CDC14A: variants seen among roughly 807,000 people sequenced by gnomAD.
CDC14A encodes the protein cell division cycle 14A.
Under a neutral mutation model 74.4 loss-of-function variants are expected in CDC14A, and 53 were observed. The ratio of observed to expected loss-of-function variants is 0.71; its 90% CI spans 0.57 to 0.89. CDC14A has a LOEUF of 0.89. CDC14A is among the 40% of genes least tolerant of loss of function. The pLI is 0.00. For synonymous variants in CDC14A, 247 were observed against 258.4 expected (o/e 0.96, Z 0.43); for missense variants, 646 against 713.7 (o/e 0.91, Z 1.08).
Position 100,483,312 on chromosome 1 carries a change from T to C in CDC14A, c.978-980T>C, listed in dbSNP as rs12075237. On this transcript the variant is annotated intron_variant, in intron 10 of 15. Transcript: ENST00000336454. ...ACTGGTGTGTGGTGGTATCTCATTA[T>C]GGTTTTGATTTGCATTTCTCTAATG... is the stretch of plus-strand genomic sequence containing the variant. 1.1e-3 allele frequency among the ~76,000 whole-genome samples: 168 copies of C among 152,354 alleles called. 1 individual carries two copies. Among genetic ancestry groups the C allele is most frequent in the African/African-American group, 3.8e-3 (157 of 41,588 alleles).
At chr1:100,484,225 G>A in intron 10 of CDC14A, 67 bp from the exon 11 acceptor site, 1 of 879,268 alleles carries the variant, frequency 1.1e-6, no homozygotes, top group South Asian at 2.2e-5. Context: ...ATACCTTTGA[G>A]ATGAGAGTAG....
At chr1:100,409,931 T>G (rs1212057982) in intron 4 of CDC14A, among the ~76,000 whole-genome samples, 1 of 152,214 alleles carries the variant, frequency 6.6e-6, no homozygotes, top group Non-Finnish European at 1.5e-5. Context: ...TTTGAGAAAT[T>G]CATCAGTACT....
chr1:100,386,458 G>C (rs550443048), intron 3 of CDC14A, among the ~76,000 whole-genome samples: 16 of 152,256 alleles, frequency 1.1e-4, no homozygotes, highest in African/African-American at 3.9e-4. Context: ...TAATAGAGCA[G>C]GTAGCTCATT....
intron 11 of CDC14A, among the ~76,000 whole-genome samples, chr1:100,491,568 A>ATTT (rs1255539504): frequency 3.3e-4 from 25 of 76,574 alleles, no homozygotes; most frequent in African/African-American, 7.3e-4. Flanking sequence ...ATATATATAT[A>ATTT]TATATTTTTT....
intron 15 of CDC14A, among the ~76,000 whole-genome samples, chr1:100,504,552 T>C (rs1472855377): frequency 6.6e-6 from 1 of 152,230 alleles, no homozygotes; most frequent in Non-Finnish European, 1.5e-5. Flanking sequence ...AATAAAACTT[T>C]ATTAACAAAA....
intron 11 of CDC14A, among the ~76,000 whole-genome samples, chr1:100,494,600 A>G (rs1306362068): frequency 1.3e-5 from 2 of 152,134 alleles, no homozygotes; most frequent in Admixed American, 1.3e-4. Flanking sequence ...ATCTATTCCC[A>G]TGCTTCATTG....
chr1:100,426,400 C>T (rs978016779), intron 5 of CDC14A, among the ~76,000 whole-genome samples: 6 of 152,146 alleles, frequency 3.9e-5, no homozygotes, highest in African/African-American at 1.4e-4. Flanking sequence ...GTGTGAGCCA[C>T]TGCACCCAGT....
At chr1:100,481,281 C>T (rs1669445562) in intron 10 of CDC14A, among the ~76,000 whole-genome samples, 1 of 152,054 alleles carries the variant, frequency 6.6e-6, no homozygotes, top group Admixed American at 6.6e-5. Flanking sequence ...ACTTTGGGGT[C>T]AGGGTTGAGT....
intron 2 of CDC14A, among the ~76,000 whole-genome samples, chr1:100,374,254 C>T (rs899735508): frequency 3.1e-4 from 47 of 152,022 alleles, no homozygotes; most frequent in African/African-American, 9.4e-4. Context: ...TGAATAGAGC[C>T]GCAATAAACG....
At chr1:100,395,557 G>C (rs546673156) in intron 4 of CDC14A, among the ~76,000 whole-genome samples, 1 of 152,282 alleles carries the variant, frequency 6.6e-6, no homozygotes, top group Admixed American at 6.5e-5. Flanking sequence ...CCAAGCCACT[G>C]TCATTGTTCA....
chr1:100,424,861 T>C (rs904622269), intron 5 of CDC14A, among the ~76,000 whole-genome samples: 3 of 152,122 alleles, frequency 2.0e-5, no homozygotes, highest in Admixed American at 1.3e-4. Context: ...GGGGTGAACT[T>C]GAGCTCATTT....
chr1:100,437,596 C>G (rs934985523), intron 5 of CDC14A, among the ~76,000 whole-genome samples: 1 of 152,306 alleles, frequency 6.6e-6, no homozygotes, highest in East Asian at 1.9e-4. Flanking sequence ...TTGCCTAGTT[C>G]TGTCGGATGG....
At chr1:100,438,356 G>A (rs759676454) in intron 5 of CDC14A, among the ~76,000 whole-genome samples, 8 of 152,020 alleles carry the variant, frequency 5.3e-5, no homozygotes, top group Non-Finnish European at 1.2e-4. Flanking sequence ...AAATGGGTTC[G>A]CAGGCTTCCT....
chr1:100,419,813 A>G (rs1662035693), intron 4 of CDC14A, among the ~76,000 whole-genome samples: 1 of 152,020 alleles, frequency 6.6e-6, no homozygotes, highest in African/African-American at 2.4e-5. Flanking sequence ...TTCCAGTGGC[A>G]GCACCTACCT....
chr1:100,377,490 TA>T, intron 2 of CDC14A, 55 bp from the exon 3 acceptor site: 1 of 1,104,162 alleles, frequency 9.1e-7, no homozygotes, highest in Non-Finnish European at 1.4e-6. Flanking sequence ...ACATTGATGT[TA>T]CTGAAAATTA....
chr1:100,397,592 G>A (rs1329813881), intron 4 of CDC14A, among the ~76,000 whole-genome samples: 1 of 152,192 alleles, frequency 6.6e-6, no homozygotes, highest in Non-Finnish European at 1.5e-5. Flanking sequence ...TCAGGTCACC[G>A]TGACTGAAGA....
At chr1:100,353,038 TC>T (rs766140624) in intron 1 of CDC14A, 35 bp downstream of exon 1, 1 of 1,610,468 alleles carries the variant, frequency 6.2e-7, no homozygotes, top group South Asian at 1.1e-5. Flanking sequence ...TCCAACGCTT[TC>T]TTGCCCCCAA....
intron 11 of CDC14A, among the ~76,000 whole-genome samples, chr1:100,493,685 C>G (rs904253000): frequency 6.6e-6 from 1 of 152,186 alleles, no homozygotes; most frequent in Non-Finnish European, 1.5e-5. Context: ...CACTTGCACC[C>G]ATTCTTTAAG....
At position 100,440,566 on chromosome 1, in the gene CDC14A, A is replaced by G. The variant is rs1223062336; in HGVS notation, c.456+568A>G. ...CATGTTTTAGAAACATAAATTCACA[A>G]TCTGAGAAGTTATATAAGCTATACT... On this transcript the variant is annotated intron_variant, in intron 6 of 15. Coordinates refer to ENST00000336454, the MANE Select transcript of CDC14A (RefSeq NM_003672.4). Among the ~76,000 whole-genome samples, 9 of 152,326 alleles carry G rather than the reference A, an allele frequency of 5.9e-5. No homozygotes were observed. In the South Asian group the frequency reaches 1.5e-3, roughly 25 times the overall value.
Sources: allele counts gnomAD v4.1 joint callset (sites outside exome capture counted in the v4.1 genomes callset), GRCh38; gene constraint gnomAD v4.1.1; transcripts MANE v1.5; gene names NCBI Gene and HGNC (gene_info 2026-07-23, HGNC 2026-07-21).